Variants in VWA3A observed in about 807,000 individuals in gnomAD.
VWA3A encodes the protein von Willebrand factor A domain containing 3A.
In VWA3A, 134 loss-of-function variants were observed where a neutral mutation model predicts 160.4. The ratio of observed to expected loss-of-function variants is 0.84; its 90% CI spans 0.73 to 0.96. The LOEUF (loss-of-function observed/expected upper bound fraction) is 0.96. Ranked by LOEUF, VWA3A falls within the 40% of genes least tolerant of loss-of-function variation. The pLI is 0.00. For missense variants in VWA3A, 1,310 were observed against 1,447.9 expected (o/e 0.90, Z 1.55); for synonymous variants, 476 against 543.4 (o/e 0.88, Z 1.72).
At chr16:22,154,191 G>C (rs2046396432) in intron 31 of VWA3A, among the ~76,000 whole-genome samples, 1 of 152,050 alleles carries the variant, frequency 6.6e-6, no homozygotes, top group Admixed American at 6.6e-5. Flanking sequence ...AGGAAAACAA[G>C]TGATGATATG....
intron 9 of VWA3A, 63 bp downstream of exon 9, chr16:22,115,535 T>G: frequency 6.6e-7 from 1 of 1,515,776 alleles, no homozygotes; most frequent in Non-Finnish European, 8.8e-7. Flanking sequence ...CCAAACCACT[T>G]TTTGAGAAAA....
At position 22,125,244 on chromosome 16, in the gene VWA3A, G is replaced by A. The variant is rs182139568; in HGVS notation, c.1533-934G>A. Among the ~76,000 whole-genome samples the A allele has an allele frequency of 8.6e-5, 13 of 151,784 alleles. No individual in the cohort carries two copies. The East Asian group carries it at 2.4e-3, about 28-fold the overall frequency. ...AAAAAAAAAAAATTTAAATTAGCCA[G>A]GCATGGTGATGTGTGCCTGTGGTCC... On this transcript the variant is annotated intron_variant, in intron 16 of 33. Transcript: ENST00000389398.
intron 6 of VWA3A, among the ~76,000 whole-genome samples, chr16:22,104,966 A>G (rs554919070): frequency 6.6e-6 from 1 of 151,682 alleles, no homozygotes; most frequent in East Asian, 1.9e-4. Flanking sequence ...CCCAATCCCC[A>G]CCTCTACCCA....
Position 22,110,976 on chromosome 16 carries a change from T to C in VWA3A, c.671T>C (p.Met224Thr), listed in dbSNP as rs1183549654. 1.9e-6 allele frequency: 3 copies of C among 1,608,572 alleles called. No homozygotes were observed. Among genetic ancestry groups the C allele is most frequent in the East Asian group, 2.2e-5 (1 of 44,708 alleles). ...GCCGGGTCCCTCTGGCCAGACCCCA[T>C]GGAAGTCAGCGCCTCCACGTGAGTG... ...TNAGSLWPDP[M>T]EVSASTLQEL... The change falls in exon 8 of 34, where the codon ATG (methionine) becomes ACG (threonine). Residue 224 changes from methionine to threonine, a missense_variant. By Grantham distance (81) the Met-to-Thr change is moderately conservative. Coordinates refer to ENST00000389398, the MANE Select transcript of VWA3A (RefSeq NM_173615.5).
intron 8 of VWA3A, among the ~76,000 whole-genome samples, chr16:22,113,681 C>T (rs1325143517): frequency 6.6e-6 from 1 of 152,034 alleles, no homozygotes; most frequent in Non-Finnish European, 1.5e-5. Flanking sequence ...TTACTGCCAT[C>T]TTAATCTCCT....
chr16:22,109,410 G>A lies in VWA3A; in HGVS notation c.484-72G>A, dbSNP rs974422162. On this transcript the variant is annotated intron_variant, in intron 6 of 33. Coordinates refer to ENST00000389398, the MANE Select transcript of VWA3A (RefSeq NM_173615.5). ...AGGAAAGTGTTTGCATCACTGCGTG[G>A]CACAGAGCAGCTCAGTGTAGGAGAC... The A allele has an allele frequency of 4.7e-6, 6 of 1,274,438 alleles. No individual in the cohort carries two copies. The East Asian group carries it at 1.5e-4, about 32-fold the overall frequency. The allele number at this position is 1,274,438 out of a possible 1,614,324, so 78.9% of individuals were successfully genotyped here.
rs374749520 is a variant in VWA3A at position 22,147,618 on chromosome 16, G to A, written c.2840-544G>A. ...CTGGTATAGACAGTCCATGGACAGGGGCGTCATGATGACTGCTGCTTCAGG... is the reference window on the plus strand; with the variant it reads ...CTGGTATAGACAGTCCATGGACAGGAGCGTCATGATGACTGCTGCTTCAGG... On this transcript the variant is annotated intron_variant, in intron 27 of 33. Transcript: ENST00000389398. The A allele has an allele frequency of 5.7e-5, 40 of 703,152 alleles. No individual in the cohort carries two copies. In the African/African-American group the frequency reaches 5.9e-4, roughly 10 times the overall value. The allele number at this position is 703,152 out of a possible 1,614,324, so 43.6% of individuals were successfully genotyped here.
rs770738637 is a variant in VWA3A at position 22,152,558 on chromosome 16, G to A, written c.3329G>A (p.Arg1110His). The change falls in exon 31 of 34, where the codon CGC (arginine) becomes CAC (histidine). Residue 1110 changes from arginine to histidine, a missense_variant. Physicochemically the swap from Arg to His is conservative, Grantham distance 29. Coordinates refer to ENST00000389398, the MANE Select transcript of VWA3A (RefSeq NM_173615.5). ...AAGCTGGCTTCCTTCACCGGCGGAC[G>A]CTATCACTGCCCTGTGGGTGAGGAC... is the stretch of plus-strand genomic sequence containing the variant. Reference protein sequence around the residue: ...LRKLASFTGGRYHCPVGEDTL... With the variant: ...LRKLASFTGGHYHCPVGEDTL... The A allele has an allele frequency of 1.9e-6, 3 of 1,612,290 alleles. No individual in the cohort carries two copies. The highest frequency in any genetic ancestry group is 2.2e-5 in the East Asian group (1 of 44,864).
At chr16:22,093,828 G>A (rs999175950) in intron 1 of VWA3A, among the ~76,000 whole-genome samples, 5 of 151,988 alleles carry the variant, frequency 3.3e-5, no homozygotes, top group African/African-American at 7.3e-5. Flanking sequence ...GCAGCGATGC[G>A]ATCACAGCTC....
In VWA3A at chr16:22,131,615, C is replaced by T. The variant is rs2045950549; in HGVS notation, c.1758C>T (p.Ser586=). 6.2e-7 allele frequency: 1 copy of T among 1,613,584 alleles called. No homozygotes were observed. Among genetic ancestry groups the T allele is most frequent in the Admixed American group, 1.7e-5 (1 of 59,970 alleles). The change falls in exon 19 of 34, where the codon AGC becomes AGT. Residue 586 remains serine (S), a synonymous_variant. Transcript: ENST00000389398. The stretch of plus-strand genomic sequence containing the variant: ...CCCTGAACCTGCGGTGTCGGGGCAG[C>T]AGGAACGTTCTCAGCGCCCTGCGGA... The part of the protein sequence containing the change: ...RWALNLRCRG[S]RNVLSALRKA...
chr16:22,124,982 CAGAA>C (rs917533807), intron 16 of VWA3A, among the ~76,000 whole-genome samples: 4 of 152,112 alleles, frequency 2.6e-5, no homozygotes, highest in Non-Finnish European at 4.4e-5. Context: ...GATCTTAAAA[CAGAA>C]AGAGAGCAAA....
intron 9 of VWA3A, among the ~76,000 whole-genome samples, chr16:22,116,090 A>AAGAG (rs1336233171): frequency 6.6e-6 from 1 of 151,268 alleles, no homozygotes; most frequent in Non-Finnish European, 1.5e-5. Context: ...GGCAGAAAGA[A>AAGAG]AGAGAGAAAG....
At chr16:22,137,971 G>T (rs1226428842) in intron 21 of VWA3A, among the ~76,000 whole-genome samples, 1 of 152,208 alleles carries the variant, frequency 6.6e-6, no homozygotes, top group Non-Finnish European at 1.5e-5. Context: ...AGCCTGATCA[G>T]GGCTTCATGA....
chr16:22,153,077 G>T (rs1020236724), intron 31 of VWA3A, among the ~76,000 whole-genome samples: 1 of 152,186 alleles, frequency 6.6e-6, no homozygotes, highest in East Asian at 1.9e-4. Context: ...TGGGCACGGT[G>T]GTTCACACCT....
chr16:22,145,686 G>C (rs1436755834), intron 26 of VWA3A, among the ~76,000 whole-genome samples: 1 of 149,080 alleles, frequency 6.7e-6, no homozygotes, highest in Non-Finnish European at 1.5e-5. Context: ...TATTAATATA[G>C]CAACTGCATT....
In VWA3A at chr16:22,102,544, G is replaced by A. The variant is rs189220672; in HGVS notation, c.429-931G>A. On this transcript the variant is annotated intron_variant, in intron 5 of 33. Transcript: ENST00000389398. ...AAGTCAATTAAATTAAAGTGACCTA[G>A]TCCTTACCTTGTGCATATGATATAT... 1.0e-3 allele frequency among the ~76,000 whole-genome samples: 158 copies of A among 152,066 alleles called. 1 individual carries two copies. Among genetic ancestry groups the A allele is most frequent in the Non-Finnish European group, 8.8e-5 (6 of 68,006 alleles).
In VWA3A at chr16:22,149,649, C is replaced by T. The variant is rs185364069; in HGVS notation, c.2985-138C>T. The stretch of plus-strand genomic sequence containing the variant: ...CCTCTCCCTGAGGGGCCACAGGGCT[C>T]GTTGTAGGGGTCTTCAGTGACGAGC... On this transcript the variant is annotated intron_variant, in intron 28 of 33. Coordinates refer to ENST00000389398, the MANE Select transcript of VWA3A (RefSeq NM_173615.5). The T allele has an allele frequency of 3.6e-4, 391 of 1,095,544 alleles. 2 individuals carry two copies. Among genetic ancestry groups the T allele is most frequent in the South Asian group, 3.3e-4 (13 of 39,790 alleles). 67.9% of individuals were successfully genotyped at this position (1,095,544 alleles called of 1,614,324 possible).
Position 22,103,533 on chromosome 16 carries a change from A to G in VWA3A, c.483+4A>G. The G allele has an allele frequency of 6.4e-7, 1 of 1,551,762 alleles. No individual in the cohort carries two copies. The highest frequency in any genetic ancestry group is 8.7e-7 in the Non-Finnish European group (1 of 1,146,974). On this transcript the variant is annotated splice_donor_region_variant and intron_variant, in intron 6 of 33. Transcript: ENST00000389398. ...GCTCACAGAAAACAGCAAGAAGGTAACGGGCATAGATTTCATTCTTTGCCC... is the reference window on the plus strand; with the variant it reads ...GCTCACAGAAAACAGCAAGAAGGTAGCGGGCATAGATTTCATTCTTTGCCC...
Position 22,121,527 on chromosome 16 carries a change from TCTATATCAGGTCCTG to T in VWA3A, c.1267_1281del (p.Leu423_Leu427del). The T allele has an allele frequency of 1.2e-6, 2 of 1,613,322 alleles. No homozygotes were observed. Among genetic ancestry groups the T allele is most frequent in the Non-Finnish European group, 1.7e-6 (2 of 1,179,586 alleles). On this transcript the variant is annotated inframe_deletion, in exon 14 of 34. Coordinates refer to ENST00000389398, the MANE Select transcript of VWA3A (RefSeq NM_173615.5). ...CTTTTTTTTCAGCCAAGAAATTAAG[TCTATATCAGGTCCTG>T]GCACCCAATGCATTCTCTCCTGTGG...
Sources: gnomAD v4.1 joint callset for allele counts (sites outside exome capture counted in the v4.1 genomes callset) on GRCh38, gnomAD v4.1.1 for gene constraint, MANE v1.5 for transcripts, NCBI Gene and HGNC (gene_info 2026-07-23, HGNC 2026-07-21) for gene names.